The following TENM4 variants were observed in gnomAD, a reference collection of about 807,000 sequenced individuals.
The protein encoded by TENM4 is teneurin-4.
A neutral mutation model predicts 243.3 loss-of-function variants in TENM4; 82 were observed. That is an observed-to-expected ratio of 0.34 (90% confidence interval 0.28 to 0.40). The LOEUF (loss-of-function observed/expected upper bound fraction) is 0.40. TENM4 is among the 10% of genes least tolerant of loss of function. The pLI is 1.00. For missense variants in TENM4, 3,138 were observed against 3,673.3 expected (o/e 0.85, Z 3.77); for synonymous variants, 1,412 against 1,456.3 (o/e 0.97, Z 0.69).
intron 1 of TENM4, among the ~76,000 whole-genome samples, chr11:79,346,742 T>G (rs1333778979): frequency 6.6e-6 from 1 of 152,202 alleles, no homozygotes; most frequent in Non-Finnish European, 1.5e-5. Flanking sequence ...GAAAGCCACT[T>G]AAGCCCTGAC....
intron 14 of TENM4, 47 bp downstream of exon 14, chr11:78,812,075 C>G (rs187470991): frequency 6.5e-7 from 1 of 1,531,222 alleles, no homozygotes; most frequent in Admixed American, 2.0e-5. Context: ...TATATGCCAG[C>G]CTCTATCTCA....
intron 1 of TENM4, among the ~76,000 whole-genome samples, chr11:79,402,535 T>G (rs981955460): frequency 1.3e-5 from 2 of 152,172 alleles, no homozygotes; most frequent in African/African-American, 2.4e-5. Flanking sequence ...TTTTTATAAC[T>G]CCAGGCTACT....
chr11:79,400,525 C>T (rs1858439347), intron 1 of TENM4, among the ~76,000 whole-genome samples: 1 of 152,162 alleles, frequency 6.6e-6, no homozygotes, highest in Non-Finnish European at 1.5e-5. Context: ...CTCTTGCCCT[C>T]TCCTCCCTGT....
chr11:79,118,240 A>G (rs1383219476), intron 4 of TENM4, among the ~76,000 whole-genome samples: 1 of 152,164 alleles, frequency 6.6e-6, no homozygotes, highest in African/African-American at 2.4e-5. Flanking sequence ...TAATAAGAAT[A>G]TGGTTATGAA....
rs184675667 is a variant in TENM4, at chr11:78,942,543, G to T, written c.494-39020C>A. 3.5e-3 allele frequency among the ~76,000 whole-genome samples: 526 copies of T among 152,238 alleles called. 3 individuals are homozygous for T. Among genetic ancestry groups the T allele is most frequent in the Non-Finnish European group, 2.4e-3 (166 of 68,022 alleles). ...ATTCAAAAGCCGTCCGGGGCTGCAGGCGGCCTGTGGGCCAAGGGTTGGACA... is the reference window on the plus strand; with the variant it reads ...ATTCAAAAGCCGTCCGGGGCTGCAGTCGGCCTGTGGGCCAAGGGTTGGACA... On this transcript the variant is annotated intron_variant, in intron 6 of 33. Coordinates refer to ENST00000278550, the MANE Select transcript of TENM4 (RefSeq NM_001098816.3).
intron 12 of TENM4, among the ~76,000 whole-genome samples, chr11:78,834,963 T>C (rs966561388): frequency 6.6e-6 from 1 of 152,180 alleles, no homozygotes; most frequent in Non-Finnish European, 1.5e-5. Context: ...GGCTCAGCAT[T>C]CCGTGTCTCC....
At chr11:78,727,939 A>G (rs147662876) in intron 22 of TENM4, among the ~76,000 whole-genome samples, 5 of 152,338 alleles carry the variant, frequency 3.3e-5, no homozygotes, top group African/African-American at 1.2e-4. Flanking sequence ...ATTTATGGCA[A>G]CGGGGGAATG....
intron 12 of TENM4, among the ~76,000 whole-genome samples, chr11:78,815,581 T>C (rs971102153): frequency 6.6e-6 from 1 of 152,146 alleles, no homozygotes; most frequent in Non-Finnish European, 1.5e-5. Flanking sequence ...TCAGGCACTG[T>C]TTTGTAGCTC....
intron 6 of TENM4, among the ~76,000 whole-genome samples, chr11:78,909,612 G>T (rs560941440): frequency 2.0e-5 from 3 of 152,178 alleles, no homozygotes; most frequent in African/African-American, 4.8e-5. Context: ...ATCGGCATAC[G>T]CCACAGCCCC....
Position 78,726,061 on chromosome 11 carries a change from T to C in TENM4, c.3550+18A>G, listed in dbSNP as rs139145635. 75 of 1,613,414 alleles carry C rather than the reference T, an allele frequency of 4.6e-5. No individual in the cohort carries two copies. The African/African-American group carries it at 8.5e-4, about 18-fold the overall frequency. The stretch of plus-strand genomic sequence containing the variant: ...TTCCACCCCAGCCTGGTTCAAGTAA[T>C]TCTATTAATCCACTTACCACTTTGA... On this transcript the variant is annotated intron_variant, in intron 23 of 33. Transcript: ENST00000278550.
intron 15 of TENM4, among the ~76,000 whole-genome samples, chr11:78,793,275 C>A (rs1857095723): frequency 6.6e-6 from 1 of 152,126 alleles, no homozygotes; most frequent in Non-Finnish European, 1.5e-5. Context: ...TAGAAGGGCC[C>A]CCGCCCAAAG....
intron 15 of TENM4, among the ~76,000 whole-genome samples, chr11:78,801,260 CA>C (rs1857276308): frequency 6.6e-6 from 1 of 152,212 alleles, no homozygotes; most frequent in Non-Finnish European, 1.5e-5. Flanking sequence ...ACAGCAACAG[CA>C]GTAGCCACCT....
intron 6 of TENM4, among the ~76,000 whole-genome samples, chr11:78,996,006 C>T (rs565785341): frequency 3.9e-5 from 6 of 152,260 alleles, no homozygotes; most frequent in Non-Finnish European, 8.8e-5. Flanking sequence ...TCCTTAGCTG[C>T]TCCTTTGCTC....
intron 13 of TENM4, among the ~76,000 whole-genome samples, chr11:78,813,272 A>G (rs1857536876): frequency 6.6e-6 from 1 of 152,196 alleles, no homozygotes; most frequent in African/African-American, 2.4e-5. Context: ...CCTTCTACTT[A>G]TGAACAATTT....
chr11:79,248,475 A>G (rs1342285746), intron 2 of TENM4, among the ~76,000 whole-genome samples: 3 of 152,102 alleles, frequency 2.0e-5, no homozygotes, highest in Non-Finnish European at 4.4e-5. Context: ...AGTGTCCCCC[A>G]CACTTTGGGG....
At chr11:79,093,432 G>C (rs1337165969) in intron 4 of TENM4, 1 of 152,260 alleles carries the variant, frequency 6.6e-6, no homozygotes, top group Non-Finnish European at 1.5e-5. Context: ...GTGGAGTAGA[G>C]CAACTTTCCC....
At chr11:78,705,902 A>G (rs1859236422) in intron 27 of TENM4, among the ~76,000 whole-genome samples, 1 of 152,226 alleles carries the variant, frequency 6.6e-6, no homozygotes, top group Admixed American at 6.5e-5. Context: ...TAAATGAGAC[A>G]ATGTACAAGG....
chr11:78,882,150 T>C (rs1855444447), intron 9 of TENM4, among the ~76,000 whole-genome samples: 1 of 152,116 alleles, frequency 6.6e-6, no homozygotes, highest in African/African-American at 2.4e-5. Context: ...TGCACACAAA[T>C]AACACCTAGG....
At chr11:78,882,058 T>A (rs1471807790) in intron 9 of TENM4, among the ~76,000 whole-genome samples, 1 of 152,220 alleles carries the variant, frequency 6.6e-6, no homozygotes, top group Non-Finnish European at 1.5e-5. Context: ...TCCCATTCTT[T>A]GGGCTATAAA....
Sources: gnomAD v4.1 joint callset for allele counts (sites outside exome capture counted in the v4.1 genomes callset) on GRCh38, gnomAD v4.1.1 for gene constraint, MANE v1.5 for transcripts, NCBI Gene and HGNC (gene_info 2026-07-23, HGNC 2026-07-21) for gene names.